Variants in VIL1 observed in about 807,000 individuals in gnomAD.
VIL1 encodes villin-1.
VIL1 carries 86 observed loss-of-function variants against 104.0 expected under a neutral mutation model. The ratio of observed to expected loss-of-function variants is 0.83; its 90% CI spans 0.69 to 0.99. The LOEUF is 0.99. VIL1 is among the 50% of genes least tolerant of loss of function. The probability of loss-of-function intolerance (pLI) is 0.00; values close to 1 mark genes in which losing one functional copy is unlikely to be tolerated. For missense variants in VIL1, 944 were observed against 1,054.1 expected, an observed-to-expected ratio of 0.90 and a Z score of 1.45; for synonymous variants, 394 against 412.6, an observed-to-expected ratio of 0.95 and a Z score of 0.55.
At chr2:218,432,536 G>A (rs972571770) in intron 12 of VIL1, 15 of 708,476 alleles carry the variant, frequency 2.1e-5, no homozygotes, top group African/African-American at 2.1e-4. Flanking sequence ...GAAAGGAGGA[G>A]GTTTGGGGTT....
At chr2:218,423,414 A>T (rs6717434) in intron 1 of VIL1, among the ~76,000 whole-genome samples, 53 of 152,086 alleles carry the variant, frequency 3.5e-4, no homozygotes, top group Non-Finnish European at 7.2e-4. Context: ...AAGAAGAAAA[A>T]AATAATATGG....
At chr2:218,442,694 T>C (rs987266963) in intron 19 of VIL1, among the ~76,000 whole-genome samples, 1 of 152,098 alleles carries the variant, frequency 6.6e-6, no homozygotes, top group African/African-American at 2.4e-5. Context: ...CAATCTAGCT[T>C]AGGGGTATTG....
At position 218,421,725 on chromosome 2, in the gene VIL1, G is replaced by C. The variant is rs3755039; in HGVS notation, c.-11-2043G>C. 8.3e-3 allele frequency among the ~76,000 whole-genome samples: 1,268 copies of C among 152,260 alleles called. 31 individuals carry two copies. Among genetic ancestry groups the C allele is most frequent in the Admixed American group, 0.055 (838 of 15,292 alleles). Reference sequence around the variant, plus strand: ...CCCAATCCTGATTTCTCTCTGGGGAGGGGGAGCGCTGGCTTTTTCAAGTCT... The same window carrying C: ...CCCAATCCTGATTTCTCTCTGGGGACGGGGAGCGCTGGCTTTTTCAAGTCT... On this transcript the variant is annotated intron_variant, in intron 1 of 19. Coordinates refer to ENST00000248444, the MANE Select transcript of VIL1 (RefSeq NM_007127.3).
At chr2:218,419,765 C>T (rs918042989) in intron 1 of VIL1, among the ~76,000 whole-genome samples, 2 of 152,176 alleles carry the variant, frequency 1.3e-5, no homozygotes, top group African/African-American at 4.8e-5. Context: ...TAGCATGCAC[C>T]TCTGCCCCAT....
intron 19 of VIL1, 106 bp from the exon 20 acceptor site, chr2:218,449,117 T>C (rs1574822535): frequency 1.3e-6 from 1 of 776,334 alleles, no homozygotes; most frequent in Non-Finnish European, 2.3e-6. Flanking sequence ...CTTCATTTAT[T>C]TGATTATATA....
Position 218,429,326 on chromosome 2 carries a change from A to G in VIL1, c.609A>G (p.Gly203=), listed in dbSNP as rs769211240. ...LAKEIRDQER[G]GRTYVGVVDG... is the part of the protein sequence containing the mutation. ...AGGAGATCCGAGACCAGGAGCGGGG[A>G]GGGCGCACCTATGTAGGCGTGGTGG... Residue 203 remains glycine (G), a synonymous_variant, in exon 7 of 20, where the codon GGA becomes GGG. Transcript: ENST00000248444. The G allele has an allele frequency of 6.2e-7, 1 of 1,613,898 alleles. No homozygotes were observed. The highest frequency in any genetic ancestry group is 8.5e-7 in the Non-Finnish European group (1 of 1,179,960).
At chr2:218,428,463 G>A (rs924348249) in intron 6 of VIL1, 126 bp downstream of exon 6, 3 of 776,124 alleles carry the variant, frequency 3.9e-6, no homozygotes, top group South Asian at 1.6e-5. Flanking sequence ...GTCTCCATGT[G>A]TTTGGTGCAG....
At chr2:218,425,887 G>A (rs1433395528) in intron 4 of VIL1, 76 bp downstream of exon 4, 1 of 1,480,056 alleles carries the variant, frequency 6.8e-7, no homozygotes, top group Non-Finnish European at 9.1e-7. Context: ...GAGCTGAAGA[G>A]GCAGGGACAC....
chr2:218,438,520 C>T lies in VIL1; in HGVS notation c.2161-138C>T, dbSNP rs1344995090. 12 of 753,452 alleles carry T rather than the reference C, an allele frequency of 1.6e-5. No individual in the cohort carries two copies. The Admixed American group carries it at 1.8e-4, about 11-fold the overall frequency. The allele number at this position is 753,452 out of a possible 1,614,324, so 46.7% of individuals were successfully genotyped here. ...TCCTTTTTCAGGGACCCTCCTCCAG[C>T]CTCAGCCTTCATATCCTCTTTCCTT... On this transcript the variant is annotated intron_variant, in intron 17 of 19. Transcript: ENST00000248444.
chr2:218,432,186 C>A lies in VIL1; in HGVS notation c.1341+3C>A. 6.2e-7 allele frequency: 1 copy of A among 1,610,216 alleles called. No homozygotes were observed. Among genetic ancestry groups the A allele is most frequent in the Non-Finnish European group, 8.5e-7 (1 of 1,178,756 alleles). The stretch of plus-strand genomic sequence containing the variant: ...ATTACCTGCTCTACGTTTGGCAGGT[C>A]AGGTCCCGCCACGTCCCACCCAGAG... On this transcript the variant is annotated splice_donor_region_variant and intron_variant, in intron 12 of 19. Coordinates refer to ENST00000248444, the MANE Select transcript of VIL1 (RefSeq NM_007127.3).
intron 4 of VIL1, among the ~76,000 whole-genome samples, chr2:218,426,702 C>T (rs1332682686): frequency 2.0e-5 from 3 of 151,192 alleles, no homozygotes; most frequent in African/African-American, 4.9e-5. Flanking sequence ...CCCAGGCTCA[C>T]GCCATTCTCC....
intron 10 of VIL1, among the ~76,000 whole-genome samples, chr2:218,431,480 G>C (rs1336197346): frequency 6.6e-6 from 1 of 152,098 alleles, no homozygotes; most frequent in Non-Finnish European, 1.5e-5. Context: ...GGGCAAGCTC[G>C]GTGCCCAGCA....
chr2:218,449,617 C>T lies in VIL1; in HGVS notation c.*281C>T. ...TTTAATACTCCTATAGTTTTCTCTT[C>T]TTAGAAGAGCACAAACACTCCATGG... On this transcript the variant is annotated 3_prime_UTR_variant, in exon 20 of 20. Transcript: ENST00000248444. The T allele has an allele frequency of 3.3e-6, 1 of 303,848 alleles. No individual in the cohort carries two copies. Among genetic ancestry groups the T allele is most frequent in the East Asian group, 6.9e-5 (1 of 14,414 alleles). 18.8% of individuals were successfully genotyped at this position (303,848 alleles called of 1,614,324 possible). A position where few individuals can be genotyped will look rare whatever the true frequency, so the allele number is the denominator to read the frequency against.
intron 19 of VIL1, among the ~76,000 whole-genome samples, chr2:218,442,693 T>G (rs1689302925): frequency 6.6e-6 from 1 of 152,092 alleles, no homozygotes; most frequent in African/African-American, 2.4e-5. Flanking sequence ...CCAATCTAGC[T>G]TAGGGGTATT....
Position 218,434,672 on chromosome 2 carries a change from G to A in VIL1, c.1647G>A (p.Lys549=). 1 of 1,614,078 alleles carries A rather than the reference G, an allele frequency of 6.2e-7. No homozygotes were observed. Among genetic ancestry groups the A allele is most frequent in the Non-Finnish European group, 8.5e-7 (1 of 1,179,970 alleles). The change falls in exon 14 of 20, where the codon AAG becomes AAA. Residue 549 remains lysine, a synonymous_variant. Transcript: ENST00000248444. ...ATTCCAATGATGTCTTTGTCCTCAA[G>A]ACCCAGTCTTGCTGCTATCTATGGT... ...FLNSNDVFVL[K]TQSCCYLWCG...
At chr2:218,425,505 T>C (rs1688966445) in intron 3 of VIL1, 110 bp from the exon 4 acceptor site, 5 of 1,117,834 alleles carry the variant, frequency 4.5e-6, no homozygotes, top group East Asian at 4.9e-5. Context: ...GCACTTGCCC[T>C]GTGCCACGCT....
intron 15 of VIL1, 115 bp downstream of exon 15, chr2:218,435,549 C>T: frequency 7.2e-7 from 1 of 1,391,220 alleles, no homozygotes; most frequent in East Asian, 2.5e-5. Flanking sequence ...GTGTGTCAGG[C>T]ACTGTGCCAG....
chr2:218,443,551 T>TG (rs1469674341), intron 19 of VIL1, among the ~76,000 whole-genome samples: 1 of 152,030 alleles, frequency 6.6e-6, no homozygotes, highest in Non-Finnish European at 1.5e-5. Flanking sequence ...AGAGGATTGA[T>TG]GGAAGGCAGA....
At chr2:218,424,967 C>T (rs1271580644) in intron 3 of VIL1, among the ~76,000 whole-genome samples, 1 of 151,486 alleles carries the variant, frequency 6.6e-6, no homozygotes, top group African/African-American at 2.4e-5. Flanking sequence ...GCCTGGCAGT[C>T]ATCTTCATAT....
Sources: allele counts gnomAD v4.1 joint callset (sites outside exome capture counted in the v4.1 genomes callset), GRCh38; gene constraint gnomAD v4.1.1; transcripts MANE v1.5; gene names NCBI Gene and HGNC (gene_info 2026-07-23, HGNC 2026-07-21).